BRINP3: variants seen among roughly 807,000 people sequenced by gnomAD.
BRINP3 encodes BMP/retinoic acid inducible neural specific 3.
In BRINP3, 19 loss-of-function variants were observed where a neutral mutation model predicts 71.0. The observed-to-expected ratio is 0.27, with a 90% confidence interval of 0.19 to 0.39. The LOEUF is 0.39. BRINP3 is among the 10% of genes least tolerant of loss of function. The pLI is 1.00. For missense variants in BRINP3, 959 were observed against 940.8 expected, an observed-to-expected ratio of 1.02 and a Z score of -0.25; for synonymous variants, 380 against 337.7, an observed-to-expected ratio of 1.13 and a Z score of -1.37.
chr1:190,244,756 A>G (rs1659429578), intron 4 of BRINP3, among the ~76,000 whole-genome samples: 1 of 152,050 alleles, frequency 6.6e-6, no homozygotes, highest in Non-Finnish European at 1.5e-5. Context: ...CTATTTCATT[A>G]TTATTACTTT....
chr1:190,194,207 G>A (rs1411914764), intron 6 of BRINP3, among the ~76,000 whole-genome samples: 1 of 152,080 alleles, frequency 6.6e-6, no homozygotes, highest in Non-Finnish European at 1.5e-5. Flanking sequence ...CCCAAAGGCA[G>A]GGATTGCTGT....
chr1:190,332,699 T>C (rs572442734), intron 2 of BRINP3, among the ~76,000 whole-genome samples: 2 of 152,162 alleles, frequency 1.3e-5, no homozygotes, highest in South Asian at 2.1e-4. Flanking sequence ...TTTCTACATA[T>C]GTCCAAGGCA....
At chr1:190,291,913 T>C (rs1663897631) in intron 2 of BRINP3, among the ~76,000 whole-genome samples, 1 of 152,122 alleles carries the variant, frequency 6.6e-6, no homozygotes, top group Non-Finnish European at 1.5e-5. Flanking sequence ...GGTGAAAGAA[T>C]GGATTTTAAA....
At chr1:190,289,324 A>G (rs1353730490) in intron 2 of BRINP3, among the ~76,000 whole-genome samples, 1 of 151,866 alleles carries the variant, frequency 6.6e-6, no homozygotes, top group Admixed American at 6.6e-5. Flanking sequence ...ATGTTAGATG[A>G]TTTTTCCCAC....
intron 2 of BRINP3, among the ~76,000 whole-genome samples, chr1:190,446,403 C>T (rs1675221709): frequency 6.6e-6 from 1 of 151,944 alleles, no homozygotes; most frequent in African/African-American, 2.4e-5. Flanking sequence ...TAAAAAGCTT[C>T]CTTCTTACTA....
At chr1:190,231,912 A>G (rs1216146096) in intron 5 of BRINP3, among the ~76,000 whole-genome samples, 1 of 151,948 alleles carries the variant, frequency 6.6e-6, no homozygotes, top group Non-Finnish European at 1.5e-5. Context: ...TTGCTTAGAT[A>G]CAATTCCACT....
intron 2 of BRINP3, among the ~76,000 whole-genome samples, chr1:190,408,091 G>A (rs557398224): frequency 1.6e-5 from 2 of 127,660 alleles, no homozygotes; most frequent in South Asian, 2.5e-4. Context: ...GCACGATCTC[G>A]GCTCACTGCA....
At position 190,158,624 on chromosome 1, in the gene BRINP3, A is replaced by G. The variant is rs112146747; in HGVS notation, c.1184+2044T>C. Among the ~76,000 whole-genome samples the G allele has an allele frequency of 3.6e-3, 541 of 152,220 alleles. 4 individuals are homozygous for G. The highest frequency in any genetic ancestry group is 0.012 in the African/African-American group (513 of 41,562). On this transcript the variant is annotated intron_variant, in intron 7 of 7. Transcript: ENST00000367462. ...CTGAATCTAAAATAAAAGTTGAAAA[A>G]TTAAAAAGAATGTTTTATTCCCAAA... is the stretch of plus-strand genomic sequence containing the variant.
chr1:190,449,049 C>T (rs1291274159), intron 2 of BRINP3, among the ~76,000 whole-genome samples: 3 of 151,872 alleles, frequency 2.0e-5, no homozygotes, highest in East Asian at 1.9e-4. Context: ...TTTATATCAT[C>T]GGAGTTTATA....
intron 6 of BRINP3, among the ~76,000 whole-genome samples, chr1:190,162,911 A>G (rs1311400402): frequency 1.3e-5 from 2 of 152,116 alleles, no homozygotes; most frequent in African/African-American, 4.8e-5. Flanking sequence ...TTTACTGAAC[A>G]CCTGTTGTGC....
intron 2 of BRINP3, among the ~76,000 whole-genome samples, chr1:190,375,319 A>G (rs1008382650): frequency 5.9e-5 from 9 of 151,852 alleles, no homozygotes; most frequent in African/African-American, 2.2e-4. Context: ...ATGTGTGTAT[A>G]TTCAATAATA....
At chr1:190,218,565 AT>A (rs970222242) in intron 6 of BRINP3, among the ~76,000 whole-genome samples, 8 of 152,030 alleles carry the variant, frequency 5.3e-5, no homozygotes, top group African/African-American at 1.7e-4. Flanking sequence ...TCAAATACTT[AT>A]TTTTTTATGG....
At chr1:190,120,119 A>G (rs1003423762) in intron 7 of BRINP3, among the ~76,000 whole-genome samples, 35 of 135,248 alleles carry the variant, frequency 2.6e-4, no homozygotes, top group Non-Finnish European at 5.1e-4. Context: ...GGCATTCTGA[A>G]AGACATATTT....
chr1:190,396,583 C>T (rs1460354278), intron 2 of BRINP3, among the ~76,000 whole-genome samples: 1 of 151,418 alleles, frequency 6.6e-6, no homozygotes. Context: ...ATTTTCTAAA[C>T]AAGTGGCATT....
chr1:190,419,385 G>T (rs969884549), intron 2 of BRINP3, among the ~76,000 whole-genome samples: 2 of 151,890 alleles, frequency 1.3e-5, no homozygotes, highest in African/African-American at 4.8e-5. Context: ...TGAATTTTAA[G>T]TTTAAATTAT....
At chr1:190,470,834 A>C (rs1024711232) in intron 1 of BRINP3, among the ~76,000 whole-genome samples, 1 of 151,246 alleles carries the variant, frequency 6.6e-6, no homozygotes, top group Admixed American at 6.6e-5. Flanking sequence ...TATATCTTTC[A>C]ATTTTTGGGA....
intron 2 of BRINP3, among the ~76,000 whole-genome samples, chr1:190,440,857 TA>T (rs1265331202): frequency 2.6e-5 from 4 of 151,902 alleles, no homozygotes; most frequent in Non-Finnish European, 2.9e-5. Flanking sequence ...ACAACCTAAG[TA>T]AACATTTGCA....
chr1:190,381,690 G>A (rs1241677375), intron 2 of BRINP3, among the ~76,000 whole-genome samples: 1 of 152,018 alleles, frequency 6.6e-6, no homozygotes, highest in Non-Finnish European at 1.5e-5. Context: ...TAATGTAAAT[G>A]AATGGCAGTG....
In BRINP3 at chr1:190,363,759, T is replaced by A. The variant is rs183858696; in HGVS notation, c.237-82009A>T. Reference sequence around the variant, plus strand: ...GTAGTAGGAATGGAGTAAAAATGAATGCATTAAATAAAATTAGGAGATAAA... The same window carrying A: ...GTAGTAGGAATGGAGTAAAAATGAAAGCATTAAATAAAATTAGGAGATAAA... On this transcript the variant is annotated intron_variant, in intron 2 of 7. Coordinates refer to ENST00000367462, the MANE Select transcript of BRINP3 (RefSeq NM_199051.3). Among the ~76,000 whole-genome samples, 8 of 152,238 alleles carry A rather than the reference T, an allele frequency of 5.3e-5. No individual in the cohort carries two copies. The East Asian group carries it at 1.5e-3, about 29-fold the overall frequency.
Sources: gnomAD v4.1 joint callset for allele counts (sites outside exome capture counted in the v4.1 genomes callset) on GRCh38, gnomAD v4.1.1 for gene constraint, MANE v1.5 for transcripts, NCBI Gene and HGNC (gene_info 2026-07-23, HGNC 2026-07-21) for gene names.